CHRM3: variants seen among roughly 807,000 people sequenced by gnomAD.
The protein encoded by CHRM3 is cholinergic receptor muscarinic 3.
CHRM3 carries 11 observed loss-of-function variants against 41.8 expected under a neutral mutation model. The observed-to-expected ratio is 0.26, with a 90% CI of 0.17 to 0.44. The LOEUF (loss-of-function observed/expected upper bound fraction) is 0.44. Ranked by LOEUF, CHRM3 falls within the 20% of genes least tolerant of loss-of-function variation. The pLI is 1.00. For synonymous variants in CHRM3, 297 were observed against 301.4 expected (o/e 0.99, Z 0.15); for missense variants, 571 against 745.4 (o/e 0.77, Z 2.72).
intron 5 of CHRM3, among the ~76,000 whole-genome samples, chr1:239,684,778 G>A (rs948173417): frequency 6.6e-6 from 1 of 151,118 alleles, no homozygotes; most frequent in Admixed American, 6.6e-5. Flanking sequence ...AAGAGAAAGA[G>A]AAAGAAAAGA....
chr1:239,528,301 T>C (rs1019056646), intron 2 of CHRM3, among the ~76,000 whole-genome samples: 8 of 152,208 alleles, frequency 5.3e-5, no homozygotes, highest in Admixed American at 1.3e-4. Context: ...AAGGAGTACC[T>C]GAAGTGTTGA....
chr1:239,509,584 T>C (rs1668790222), intron 2 of CHRM3, among the ~76,000 whole-genome samples: 1 of 152,228 alleles, frequency 6.6e-6, no homozygotes, highest in Admixed American at 6.5e-5. Flanking sequence ...GAAATGTTGA[T>C]ACTATAGCTA....
intron 6 of CHRM3, among the ~76,000 whole-genome samples, chr1:239,890,721 C>A (rs944421240): frequency 6.6e-5 from 10 of 152,118 alleles, no homozygotes; most frequent in African/African-American, 1.9e-4. Flanking sequence ...TGGTGCAGTG[C>A]AACTTCAAAT....
chr1:239,467,722 G>T (rs1665832529), intron 1 of CHRM3, among the ~76,000 whole-genome samples: 1 of 152,178 alleles, frequency 6.6e-6, no homozygotes, highest in African/African-American at 2.4e-5. Flanking sequence ...CAGCTATAGT[G>T]CTGTCACTGA....
At chr1:239,479,936 AATTT>A (rs1056788797) in intron 1 of CHRM3, among the ~76,000 whole-genome samples, 2 of 152,146 alleles carry the variant, frequency 1.3e-5, no homozygotes, top group Admixed American at 1.3e-4. Flanking sequence ...GGCTACACTA[AATTT>A]ATTTTAAAAA....
intron 6 of CHRM3, among the ~76,000 whole-genome samples, chr1:239,882,791 G>A (rs949006291): frequency 6.6e-6 from 1 of 152,202 alleles, no homozygotes; most frequent in Admixed American, 6.5e-5. Context: ...TTTGTCACAG[G>A]CCCTGAGCTG....
chr1:239,518,664 A>G (rs1028990977), intron 2 of CHRM3, among the ~76,000 whole-genome samples: 1 of 152,176 alleles, frequency 6.6e-6, no homozygotes, highest in African/African-American at 2.4e-5. Flanking sequence ...AATTAAGACA[A>G]TTTCAGGTCA....
intron 3 of CHRM3, among the ~76,000 whole-genome samples, chr1:239,611,669 T>A (rs951408913): frequency 6.6e-6 from 1 of 152,144 alleles, no homozygotes. Context: ...TCCGCCCGCC[T>A]TGGCCTCCCA....
chr1:239,889,551 A>C (rs1194995768), intron 6 of CHRM3, among the ~76,000 whole-genome samples: 5 of 152,250 alleles, frequency 3.3e-5, no homozygotes, highest in African/African-American at 1.2e-4. Context: ...GCTTTTTATT[A>C]GAAAAAAAAT....
intron 3 of CHRM3, among the ~76,000 whole-genome samples, chr1:239,574,801 T>C (rs894158118): frequency 6.6e-6 from 1 of 152,100 alleles, no homozygotes; most frequent in Non-Finnish European, 1.5e-5. Context: ...TTCCTCTTCT[T>C]TCTTTCTTCC....
intron 3 of CHRM3, among the ~76,000 whole-genome samples, chr1:239,582,208 C>T (rs1345262686): frequency 6.6e-6 from 1 of 152,152 alleles, no homozygotes; most frequent in Non-Finnish European, 1.5e-5. Context: ...TTCACTTGCA[C>T]TCATGTTAAC....
chr1:239,509,074 C>T (rs2148186661), intron 2 of CHRM3, among the ~76,000 whole-genome samples: 1 of 152,270 alleles, frequency 6.6e-6, no homozygotes, highest in South Asian at 2.1e-4. Context: ...ACTATCTTAG[C>T]CAGGTATTAC....
chr1:239,555,928 G>A (rs189868109), intron 3 of CHRM3, among the ~76,000 whole-genome samples: 1 of 152,304 alleles, frequency 6.6e-6, no homozygotes, highest in Admixed American at 6.5e-5. Flanking sequence ...AAAACTGTCA[G>A]TCATGCACCG....
intron 2 of CHRM3, among the ~76,000 whole-genome samples, chr1:239,543,682 G>T (rs1483891784): frequency 6.6e-6 from 1 of 151,798 alleles, no homozygotes. Context: ...TAATTTTTTT[G>T]TATTTTTGGT....
At chr1:239,772,568 C>G (rs1282775498) in intron 5 of CHRM3, among the ~76,000 whole-genome samples, 1 of 152,138 alleles carries the variant, frequency 6.6e-6, no homozygotes, top group African/African-American at 2.4e-5. Flanking sequence ...TGTTTAAAGG[C>G]CTTCTATTGT....
rs138519343 is a variant in CHRM3 at position 239,665,595 on chromosome 1, C to T, written c.-249-12591C>T. ...TGCAGGTTTGTTACATAGGTATACA[C>T]GTGCCATGGTGGTTTGCTGCACCCA... is the stretch of plus-strand genomic sequence containing the variant. On this transcript the variant is annotated intron_variant, in intron 4 of 6. Coordinates refer to ENST00000676153, the MANE Select transcript of CHRM3 (RefSeq NM_001375978.1). 3.7e-4 allele frequency among the ~76,000 whole-genome samples: 56 copies of T among 152,140 alleles called. 1 individual carries two copies. The East Asian group carries it at 8.5e-3, about 23-fold the overall frequency.
At chr1:239,577,670 A>T (rs1324388326) in intron 3 of CHRM3, among the ~76,000 whole-genome samples, 1 of 152,198 alleles carries the variant, frequency 6.6e-6, no homozygotes, top group Non-Finnish European at 1.5e-5. Flanking sequence ...TCGCATTGGT[A>T]CCTGTTCCAT....
At chr1:239,573,892 G>A (rs1662078738) in intron 3 of CHRM3, among the ~76,000 whole-genome samples, 2 of 151,614 alleles carry the variant, frequency 1.3e-5, no homozygotes, top group African/African-American at 4.8e-5. Flanking sequence ...TCCACACTAG[G>A]TCCCCCATCA....
intron 6 of CHRM3, among the ~76,000 whole-genome samples, chr1:239,839,179 G>C (rs1255119489): frequency 1.3e-5 from 2 of 152,240 alleles, no homozygotes; most frequent in Non-Finnish European, 2.9e-5. Context: ...AAGAATATCA[G>C]GGCTAATGAA....
Sources: allele counts gnomAD v4.1 joint callset (sites outside exome capture counted in the v4.1 genomes callset), GRCh38; gene constraint gnomAD v4.1.1; transcripts MANE v1.5; gene names NCBI Gene and HGNC (gene_info 2026-07-23, HGNC 2026-07-21).